The following PIP4K2A variants were observed in gnomAD, a reference collection of about 807,000 sequenced individuals.
PIP4K2A encodes the protein phosphatidylinositol-5-phosphate 4-kinase type 2 alpha.
In PIP4K2A, 14 loss-of-function variants were observed where a neutral mutation model predicts 42.9. The ratio of observed to expected loss-of-function variants is 0.33; its 90% confidence interval spans 0.22 to 0.51. The LOEUF (loss-of-function observed/expected upper bound fraction) is 0.51. PIP4K2A is among the 20% of genes least tolerant of loss of function. The probability of loss-of-function intolerance (pLI) is 0.97; values close to 1 mark genes in which losing one functional copy is unlikely to be tolerated. For synonymous variants in PIP4K2A, 192 were observed against 192.2 expected, an observed-to-expected ratio of 1.00 and a Z score of 0.01; for missense variants, 434 against 519.8, an observed-to-expected ratio of 0.83 and a Z score of 1.61.
At chr10:22,564,413 T>C (rs567075602) in intron 6 of PIP4K2A, among the ~76,000 whole-genome samples, 217 of 152,272 alleles carry the variant, frequency 1.4e-3, no homozygotes, top group Non-Finnish European at 2.4e-3. Context: ...CCCAAGGAAC[T>C]TTGGAAGAAA....
At chr10:22,542,672 A>G (rs1339516647) in intron 7 of PIP4K2A, among the ~76,000 whole-genome samples, 1 of 152,222 alleles carries the variant, frequency 6.6e-6, no homozygotes, top group Non-Finnish European at 1.5e-5. Context: ...CGTGGCTAGA[A>G]CATAATGTGG....
At chr10:22,554,850 G>C (rs948426999) in intron 6 of PIP4K2A, among the ~76,000 whole-genome samples, 3 of 152,312 alleles carry the variant, frequency 2.0e-5, no homozygotes, top group Non-Finnish European at 2.9e-5. Context: ...ATTCCTGCCC[G>C]GGTCGGGGGC....
intron 1 of PIP4K2A, among the ~76,000 whole-genome samples, chr10:22,617,073 A>C (rs1438205495): frequency 6.6e-6 from 1 of 152,244 alleles, no homozygotes; most frequent in African/African-American, 2.4e-5. Context: ...AGCCCAACTC[A>C]GAAAAGGTAC....
chr10:22,557,110 T>C (rs1836573293), intron 6 of PIP4K2A, among the ~76,000 whole-genome samples: 1 of 152,180 alleles, frequency 6.6e-6, no homozygotes, highest in African/African-American at 2.4e-5. Context: ...AAGGTATCAA[T>C]GATCTCTAAG....
intron 4 of PIP4K2A, among the ~76,000 whole-genome samples, 161 bp downstream of exon 4, chr10:22,591,468 A>G (rs1207810903): frequency 4.6e-5 from 7 of 152,250 alleles, no homozygotes; most frequent in Non-Finnish European, 1.0e-4. Flanking sequence ...ACTGCCAGGA[A>G]TCTGGCCACT....
rs1833968613 is a variant in PIP4K2A, at chr10:22,714,254, C to A, written c.73G>T (p.Ala25Ser). 9.3e-6 allele frequency: 15 copies of A among 1,612,784 alleles called. No homozygotes were observed. The highest frequency in any genetic ancestry group is 1.3e-5 in the Non-Finnish European group (15 of 1,179,354). Reference protein sequence around the residue: ...KTKTKKKHFVAQKVKLFRASD... With the variant: ...KTKTKKKHFVSQKVKLFRASD... ...GCCCGAAACAGCTTCACTTTCTGCGCTACGAAGTGCTTCTTCTTGGTCTTG... is the reference window on the plus strand; with the variant it reads ...GCCCGAAACAGCTTCACTTTCTGCGATACGAAGTGCTTCTTCTTGGTCTTG... Residue 25 changes from alanine (A) to serine (S), a missense_variant, in exon 1 of 10, where the codon GCG (alanine) becomes TCG (serine). Transcript: ENST00000376573.
At chr10:22,666,705 T>C (rs1839359857) in intron 1 of PIP4K2A, among the ~76,000 whole-genome samples, 1 of 152,200 alleles carries the variant, frequency 6.6e-6, no homozygotes, top group Admixed American at 6.5e-5. Flanking sequence ...CCTACATTTC[T>C]TTTTTTCTTT....
At chr10:22,560,696 G>A (rs888626571) in intron 6 of PIP4K2A, among the ~76,000 whole-genome samples, 2 of 152,206 alleles carry the variant, frequency 1.3e-5, no homozygotes, top group African/African-American at 2.4e-5. Context: ...TCAGGAAGAA[G>A]GCTGTATGTT....
chr10:22,546,840 G>A (rs1262890766), intron 7 of PIP4K2A, among the ~76,000 whole-genome samples: 1 of 152,044 alleles, frequency 6.6e-6, no homozygotes, highest in African/African-American at 2.4e-5. Flanking sequence ...TTCACTGCGG[G>A]GTCTGCTTCC....
chr10:22,707,276 G>A (rs1833839632), intron 1 of PIP4K2A, among the ~76,000 whole-genome samples: 1 of 152,186 alleles, frequency 6.6e-6, no homozygotes, highest in African/African-American at 2.4e-5. Flanking sequence ...GGAACTGAGA[G>A]GCAAAATAAC....
intron 4 of PIP4K2A, among the ~76,000 whole-genome samples, chr10:22,583,365 T>C (rs1198293094): frequency 6.6e-6 from 1 of 151,862 alleles, no homozygotes; most frequent in Non-Finnish European, 1.5e-5. Flanking sequence ...CCACACACAA[T>C]GGGGAGCTGG....
chr10:22,554,612 C>T (rs1268340161), intron 6 of PIP4K2A, among the ~76,000 whole-genome samples: 2 of 152,342 alleles, frequency 1.3e-5, no homozygotes, highest in African/African-American at 2.4e-5. Flanking sequence ...GTGGACTCTC[C>T]GAGGCCGGCT....
At chr10:22,691,659 T>G (rs983854494) in intron 1 of PIP4K2A, 1 of 152,192 alleles carries the variant, frequency 6.6e-6, no homozygotes, top group Non-Finnish European at 1.5e-5. Flanking sequence ...ATTGCGTCAT[T>G]TGCTATGTTT....
At chr10:22,639,486 CT>C (rs1838734567) in intron 1 of PIP4K2A, among the ~76,000 whole-genome samples, 1 of 150,116 alleles carries the variant, frequency 6.7e-6, no homozygotes, top group Admixed American at 6.6e-5. Context: ...ATATGTCCAA[CT>C]TTTCTTAGGT....
rs562858488 is a variant in PIP4K2A, at chr10:22,537,984, G to A, written c.1141-703C>T. ...AGAGAGCAAGCAAGCCTGGCCCCCT[G>A]CAGAAGCACGGTGAGGGATTTTTCC... is the stretch of plus-strand genomic sequence containing the variant. On this transcript the variant is annotated intron_variant, in intron 9 of 9. Transcript: ENST00000376573. Among the ~76,000 whole-genome samples the A allele has an allele frequency of 9.8e-5, 15 of 152,322 alleles. No individual in the cohort carries two copies. In the South Asian group the frequency reaches 3.1e-3, roughly 32 times the overall value.
intron 6 of PIP4K2A, among the ~76,000 whole-genome samples, chr10:22,558,964 A>C (rs7081744): frequency 6.6e-6 from 1 of 151,938 alleles, no homozygotes; most frequent in South Asian, 2.1e-4. Context: ...TGACAACTCT[A>C]TGTGGTAATG....
At chr10:22,657,868 A>G (rs938969336) in intron 1 of PIP4K2A, among the ~76,000 whole-genome samples, 2 of 152,174 alleles carry the variant, frequency 1.3e-5, no homozygotes, top group African/African-American at 4.8e-5. Flanking sequence ...ATATGGGTGC[A>G]ATCGCTAAAT....
chr10:22,691,747 C>T (rs910683881), intron 1 of PIP4K2A: 1 of 152,160 alleles, frequency 6.6e-6, no homozygotes, highest in Admixed American at 6.5e-5. Flanking sequence ...GAGTAAACAG[C>T]TTTCAGGAGC....
chr10:22,683,678 T>C (rs1022290592), intron 1 of PIP4K2A, among the ~76,000 whole-genome samples: 4 of 152,146 alleles, frequency 2.6e-5, no homozygotes, highest in Non-Finnish European at 4.4e-5. Flanking sequence ...AAGAAGTCTG[T>C]TGAGCACGTG....
Sources: allele counts gnomAD v4.1 joint callset (sites outside exome capture counted in the v4.1 genomes callset), GRCh38; gene constraint gnomAD v4.1.1; transcripts MANE v1.5; gene names NCBI Gene and HGNC (gene_info 2026-07-23, HGNC 2026-07-21).